UNC80: variants seen among roughly 807,000 people sequenced by gnomAD.
UNC80 encodes the protein protein unc-80 homolog.
A neutral mutation model predicts 384.6 loss-of-function variants in UNC80; 164 were observed. The observed-to-expected ratio is 0.43, with a 90% confidence interval of 0.38 to 0.49. UNC80 has a LOEUF of 0.49. UNC80 is among the 20% of genes least tolerant of loss of function. The pLI is 0.00. For synonymous variants in UNC80, 1,486 were observed against 1,527.8 expected, an observed-to-expected ratio of 0.97 and a Z score of 0.64; for missense variants, 3,330 against 4,143.0, an observed-to-expected ratio of 0.80 and a Z score of 5.39.
chr2:209,850,350 G>GA (rs1052018185), intron 22 of UNC80, among the ~76,000 whole-genome samples: 10 of 151,696 alleles, frequency 6.6e-5, no homozygotes, highest in East Asian at 3.9e-4. Flanking sequence ...TAAACATCAG[G>GA]AAAAAAAGTA....
At position 209,815,349 on chromosome 2, in the gene UNC80, C is replaced by T; in HGVS notation, c.1293C>T (p.Val431=). Residue 431 remains valine, a synonymous_variant, in exon 9 of 65, where the codon GTC becomes GTT. Coordinates refer to ENST00000673920, the MANE Select transcript of UNC80 (RefSeq NM_001371986.1). ...TGACCAATCTGCGTAGATCTGCAGT[C>T]CCAGATCTTTCTTCAGACCTGGGCA... The part of the protein sequence containing the change: ...VSLTNLRRSA[V]PDLSSDLGMN... The T allele has an allele frequency of 1.9e-6, 3 of 1,551,490 alleles. No homozygotes were observed. The highest frequency in any genetic ancestry group is 2.6e-6 in the Non-Finnish European group (3 of 1,146,866).
chr2:209,978,278 G>A (rs760221568), intron 58 of UNC80, among the ~76,000 whole-genome samples: 2 of 152,152 alleles, frequency 1.3e-5, no homozygotes, highest in Non-Finnish European at 2.9e-5. Flanking sequence ...AGGCAACAAT[G>A]TCAAAGCATT....
intron 6 of UNC80, among the ~76,000 whole-genome samples, chr2:209,791,126 C>G (rs2077769037): frequency 6.6e-6 from 1 of 152,150 alleles, no homozygotes; most frequent in Non-Finnish European, 1.5e-5. Flanking sequence ...CCTCTAAATC[C>G]AGGCCCTCAT....
At chr2:209,794,960 T>TA in intron 7 of UNC80, 1 of 328,836 alleles carries the variant, frequency 3.0e-6, no homozygotes, top group Non-Finnish European at 5.9e-6. Context: ...GCTGAAAAGA[T>TA]ACCCAAAAGT....
intron 16 of UNC80, 84 bp downstream of exon 16, chr2:209,831,675 A>T (rs2080979989): frequency 1.5e-6 from 2 of 1,339,612 alleles, no homozygotes; most frequent in Non-Finnish European, 1.9e-6. Flanking sequence ...TGAGTAAGAG[A>T]AGCTGAAATC....
chr2:209,897,493 T>C (rs2086917259), intron 28 of UNC80, among the ~76,000 whole-genome samples: 1 of 152,218 alleles, frequency 6.6e-6, no homozygotes, highest in African/African-American at 2.4e-5. Context: ...AATTTTGTTG[T>C]TCTTCTCCTT....
At chr2:209,890,580 T>A (rs2086236887) in intron 26 of UNC80, among the ~76,000 whole-genome samples, 1 of 152,246 alleles carries the variant, frequency 6.6e-6, no homozygotes, top group Non-Finnish European at 1.5e-5. Flanking sequence ...AATTTCCAGA[T>A]ATGTTAAAAT....
chr2:209,860,709 CCT>C (rs200636855), intron 22 of UNC80, among the ~76,000 whole-genome samples: 1,957 of 152,166 alleles, frequency 0.013, 45 homozygotes, highest in African/African-American at 0.043. Flanking sequence ...TTGTTTGTGT[CCT>C]CTCTTATTTC....
intron 47 of UNC80, among the ~76,000 whole-genome samples, chr2:209,947,759 A>T (rs1201319648): frequency 6.6e-6 from 1 of 152,150 alleles, no homozygotes; most frequent in Non-Finnish European, 1.5e-5. Flanking sequence ...TAACATTCAC[A>T]TAAAACACTA....
At chr2:209,936,754 T>A (rs575522564) in intron 40 of UNC80, 90 bp from the exon 41 acceptor site, 2 of 857,328 alleles carry the variant, frequency 2.3e-6, no homozygotes, top group African/African-American at 3.4e-5. Context: ...GGTTACCTTG[T>A]TTTTTCAAAA....
intron 8 of UNC80, 84 bp downstream of exon 8, chr2:209,813,925 G>T (rs2079543464): frequency 6.8e-7 from 1 of 1,478,936 alleles, no homozygotes; most frequent in Non-Finnish European, 9.0e-7. Context: ...CCAGCTCTTA[G>T]GTACTCTAGT....
At chr2:209,796,302 C>G (rs188807971) in intron 7 of UNC80, 1 of 152,334 alleles carries the variant, frequency 6.6e-6, no homozygotes, top group African/African-American at 2.4e-5. Context: ...ACCTGTACCC[C>G]CATTGTATCT....
intron 22 of UNC80, among the ~76,000 whole-genome samples, chr2:209,859,068 A>T (rs555866560): frequency 1.1e-4 from 17 of 152,194 alleles, no homozygotes; most frequent in South Asian, 4.1e-4. Context: ...TCTTTTTTTT[A>T]AATTTTTTTC....
chr2:209,825,832 C>T (rs1574615111), intron 13 of UNC80, 75 bp from the exon 14 acceptor site: 1 of 1,314,820 alleles, frequency 7.6e-7, no homozygotes, highest in African/African-American at 1.5e-5. Flanking sequence ...TTTAATCATA[C>T]AATAGAATCT....
At chr2:209,971,851 A>C (rs1450137479) in intron 54 of UNC80, among the ~76,000 whole-genome samples, 2 of 152,352 alleles carry the variant, frequency 1.3e-5, no homozygotes, top group South Asian at 4.1e-4. Flanking sequence ...GCAAGTGAGA[A>C]GTTCTGATTT....
chr2:209,864,347 C>T (rs112515714), intron 22 of UNC80, among the ~76,000 whole-genome samples: 1,962 of 152,258 alleles, frequency 0.013, 47 homozygotes, highest in African/African-American at 0.043. Flanking sequence ...GAACAGGACC[C>T]ATTTAATGAA....
intron 5 of UNC80, among the ~76,000 whole-genome samples, chr2:209,787,025 A>C (rs1380918766): frequency 6.8e-6 from 1 of 146,774 alleles, no homozygotes; most frequent in African/African-American, 2.5e-5. Context: ...ATATACCTAT[A>C]TATTTTTAAA....
chr2:209,858,691 T>C (rs1337801167), intron 22 of UNC80, among the ~76,000 whole-genome samples: 1 of 119,956 alleles, frequency 8.3e-6, no homozygotes, highest in Non-Finnish European at 1.8e-5. Context: ...GAAACCCTGT[T>C]TCCAAAAAAA....
At chr2:209,915,667 T>C (rs1394507634) in intron 31 of UNC80, among the ~76,000 whole-genome samples, 2 of 152,144 alleles carry the variant, frequency 1.3e-5, no homozygotes, top group East Asian at 3.9e-4. Flanking sequence ...AGAGTGTGAA[T>C]TGTTACTAAG....
Sources: gnomAD v4.1 joint callset for allele counts (sites outside exome capture counted in the v4.1 genomes callset) on GRCh38, gnomAD v4.1.1 for gene constraint, MANE v1.5 for transcripts, NCBI Gene and HGNC (gene_info 2026-07-23, HGNC 2026-07-21) for gene names.